The following TCF12 variants were observed in gnomAD, a reference collection of about 807,000 sequenced individuals.
The protein encoded by TCF12 is transcription factor 12.
TCF12 carries 45 observed loss-of-function variants against 86.0 expected under a neutral mutation model. That is an observed-to-expected ratio of 0.52 (90% CI 0.41 to 0.67). The LOEUF (loss-of-function observed/expected upper bound fraction) is 0.67, where lower values mean the gene tolerates loss of function less well. Among genes scored for constraint, TCF12 ranks in the 30% least tolerant of loss-of-function variants. TCF12 has a pLI of 0.00. For synonymous variants in TCF12, 330 were observed against 299.6 expected (o/e 1.10, Z -1.05); for missense variants, 881 against 859.9 (o/e 1.02, Z -0.31).
chr15:56,963,027 C>CTTTT (rs532973260), intron 3 of TCF12, among the ~76,000 whole-genome samples: 2 of 96,222 alleles, frequency 2.1e-5, no homozygotes, highest in Non-Finnish European at 4.3e-5. Context: ...GTGTTAAGGT[C>CTTTT]TTTTTTTTTT....
intron 3 of TCF12, among the ~76,000 whole-genome samples, chr15:57,015,161 A>G (rs1175734581): frequency 2.0e-5 from 3 of 151,976 alleles, no homozygotes; most frequent in African/African-American, 7.3e-5. Context: ...GGTGGTACAT[A>G]CTTGTAATTC....
rs1457815435 is a variant in TCF12 at position 57,077,323 on chromosome 15, ATATATG to A, written c.222+13502_222+13507del. Among the ~76,000 whole-genome samples, 23 of 35,696 alleles carry A rather than the reference ATATATG, an allele frequency of 6.4e-4. 1 individual carries two copies. The highest frequency in any genetic ancestry group is 2.6e-3 in the African/African-American group (19 of 7,388). 23.4% of individuals were successfully genotyped at this position (35,696 alleles called of 152,430 possible). ...GTATTTACTTTCCATATATATGTAT[ATATATG>A]TGTGTGTGTGTGTGTGTGTGTGTGT... On this transcript the variant is annotated intron_variant, in intron 4 of 20. Transcript: ENST00000333725.
intron 5 of TCF12, among the ~76,000 whole-genome samples, chr15:57,132,761 T>A (rs180772283): frequency 6.6e-6 from 1 of 152,228 alleles, no homozygotes; most frequent in Non-Finnish European, 1.5e-5. Context: ...TTCATAATAC[T>A]AAGTTATCCA....
At chr15:57,099,265 T>C (rs1022046162) in intron 5 of TCF12, among the ~76,000 whole-genome samples, 11 of 152,162 alleles carry the variant, frequency 7.2e-5, no homozygotes, top group Admixed American at 5.9e-4. Flanking sequence ...AGGCTTCTTT[T>C]CTACCCAGTC....
intron 8 of TCF12, among the ~76,000 whole-genome samples, chr15:57,205,582 T>C (rs1226844380): frequency 6.6e-6 from 1 of 152,234 alleles, no homozygotes; most frequent in Non-Finnish European, 1.5e-5. Flanking sequence ...ATTTCCAAAG[T>C]GGCTTATTCA....
chr15:57,222,391 G>C (rs2058639898), intron 8 of TCF12, among the ~76,000 whole-genome samples: 1 of 151,646 alleles, frequency 6.6e-6, no homozygotes, highest in Non-Finnish European at 1.5e-5. Flanking sequence ...AACAGACTTG[G>C]GCATGTAGGT....
chr15:56,920,971 G>A, intron 2 of TCF12, 55 bp from the exon 3 acceptor site: 1 of 1,417,790 alleles, frequency 7.1e-7, no homozygotes, highest in Non-Finnish European at 9.6e-7. Flanking sequence ...ACTTTTGTTT[G>A]CAAGGAATCT....
intron 3 of TCF12, among the ~76,000 whole-genome samples, chr15:56,924,936 T>C (rs928514133): frequency 2.6e-5 from 4 of 152,286 alleles, no homozygotes; most frequent in South Asian, 4.1e-4. Flanking sequence ...TGGTGGCTCA[T>C]GCCTGTAATC....
intron 4 of TCF12, among the ~76,000 whole-genome samples, chr15:57,075,804 T>TTCTTTC (rs1461514777): frequency 6.3e-4 from 18 of 28,602 alleles, no homozygotes; most frequent in South Asian, 4.2e-3. Flanking sequence ...CTTTCTTTCT[T>TTCTTTC]TCTCTCTCTC....
At chr15:57,231,319 T>A in intron 9 of TCF12, 62 bp downstream of exon 9, 1 of 1,282,336 alleles carries the variant, frequency 7.8e-7, no homozygotes, top group Non-Finnish European at 1.1e-6. Context: ...GCCAGTATTT[T>A]AAAGTATTAG....
chr15:57,234,249 G>T lies in TCF12; in HGVS notation c.1035+142G>T. 4.3e-6 allele frequency: 3 copies of T among 694,210 alleles called. No homozygotes were observed. In the South Asian group the frequency reaches 5.1e-5, roughly 12 times the overall value. 43.0% of individuals were successfully genotyped at this position (694,210 alleles called of 1,614,324 possible). ...ACACATTTAGAGTTATTCTCGGTTT[G>T]TATTGATATATGCCCTTAAATGCTA... On this transcript the variant is annotated intron_variant, in intron 12 of 20. Transcript: ENST00000333725.
rs148152622 is a variant in TCF12 at position 57,261,231 on chromosome 15, A to G, written c.1468-863A>G. 7.9e-3 allele frequency among the ~76,000 whole-genome samples: 1,202 copies of G among 152,320 alleles called. 16 individuals are homozygous for G. Among genetic ancestry groups the G allele is most frequent in the African/African-American group, 0.027 (1,143 of 41,576 alleles). On this transcript the variant is annotated intron_variant, in intron 16 of 20. Coordinates refer to ENST00000333725, the MANE Select transcript of TCF12 (RefSeq NM_207037.2). ...CTAAATGGCTATGTTTCTTAAAAATAAAGATGAGAATAAGTGTAAAAGACA... is the reference window on the plus strand; with the variant it reads ...CTAAATGGCTATGTTTCTTAAAAATGAAGATGAGAATAAGTGTAAAAGACA...
rs199508492 is a variant in TCF12, at chr15:57,232,673, A to C, written c.826-39A>C. ...TGTCCATTTTATGTGAATATTATTC[A>C]GAAAATATATTTAATAGATCATATC... On this transcript the variant is annotated intron_variant, in intron 10 of 20. Coordinates refer to ENST00000333725, the MANE Select transcript of TCF12 (RefSeq NM_207037.2). 1.2e-3 allele frequency: 1,855 copies of C among 1,583,234 alleles called. 5 individuals are homozygous for C. Among genetic ancestry groups the C allele is most frequent in the Non-Finnish European group, 1.5e-3 (1,740 of 1,165,458 alleles).
At chr15:56,946,609 G>T (rs756420293) in intron 3 of TCF12, among the ~76,000 whole-genome samples, 1 of 152,072 alleles carries the variant, frequency 6.6e-6, no homozygotes, top group Non-Finnish European at 1.5e-5. Context: ...TTCTGCTGCT[G>T]CACATGCCTT....
intron 4 of TCF12, among the ~76,000 whole-genome samples, chr15:57,085,667 TG>T (rs1467449586): frequency 2.0e-5 from 3 of 152,238 alleles, no homozygotes; most frequent in African/African-American, 7.2e-5. Context: ...CAATTTATGA[TG>T]GGGTAAGTGA....
intron 4 of TCF12, among the ~76,000 whole-genome samples, chr15:57,074,372 A>G (rs1266311120): frequency 6.6e-6 from 1 of 152,114 alleles, no homozygotes; most frequent in East Asian, 1.9e-4. Context: ...AAAAAAAAAA[A>G]AAAAAAAAGA....
chr15:57,217,738 T>C (rs1339034656), intron 8 of TCF12, among the ~76,000 whole-genome samples: 1 of 152,190 alleles, frequency 6.6e-6, no homozygotes, highest in Non-Finnish European at 1.5e-5. Flanking sequence ...GATTTTCCTT[T>C]TTTTTTGTTT....
chr15:56,968,861 T>G (rs1205946490), intron 3 of TCF12, among the ~76,000 whole-genome samples: 1 of 152,138 alleles, frequency 6.6e-6, no homozygotes, highest in Non-Finnish European at 1.5e-5. Context: ...AAGATGTACA[T>G]TGGTTTGGTT....
intron 3 of TCF12, among the ~76,000 whole-genome samples, chr15:57,003,393 A>G (rs980148408): frequency 1.3e-5 from 2 of 152,232 alleles, no homozygotes; most frequent in Admixed American, 6.5e-5. Context: ...TGAGCTCACA[A>G]TCAACAAAAC....
Sources: gnomAD v4.1 joint callset for allele counts (sites outside exome capture counted in the v4.1 genomes callset) on GRCh38, gnomAD v4.1.1 for gene constraint, MANE v1.5 for transcripts, NCBI Gene and HGNC (gene_info 2026-07-23, HGNC 2026-07-21) for gene names.